DYNC2I1: variants seen among roughly 807,000 people sequenced by gnomAD.
DYNC2I1 encodes cytoplasmic dynein 2 intermediate chain 1.
Under a neutral mutation model 133.4 loss-of-function variants are expected in DYNC2I1, and 89 were observed. That is an observed-to-expected ratio of 0.67 (90% CI 0.56 to 0.80). The LOEUF (loss-of-function observed/expected upper bound fraction) is 0.80. Ranked by LOEUF, DYNC2I1 falls within the 30% of genes least tolerant of loss-of-function variation. DYNC2I1 has a pLI of 0.00. For missense variants in DYNC2I1, 1,291 were observed against 1,314.5 expected, an observed-to-expected ratio of 0.98 and a Z score of 0.28; for synonymous variants, 504 against 484.3, an observed-to-expected ratio of 1.04 and a Z score of -0.54.
chr7:158,892,545 G>T (rs1481743530), intron 8 of DYNC2I1, among the ~76,000 whole-genome samples: 1 of 152,088 alleles, frequency 6.6e-6, no homozygotes, highest in Admixed American at 6.6e-5. Context: ...GGGATCAAGC[G>T]ATTCTCCTGC....
At chr7:158,934,689 T>A (rs1232367707) in intron 23 of DYNC2I1, 140 bp downstream of exon 23, 1 of 848,816 alleles carries the variant, frequency 1.2e-6, no homozygotes, top group Non-Finnish European at 1.8e-6. Context: ...CAAATGACCC[T>A]CCCACCTCAG....
At chr7:158,910,454 C>G (rs1847306347) in intron 11 of DYNC2I1, among the ~76,000 whole-genome samples, 2 of 148,432 alleles carry the variant, frequency 1.3e-5, no homozygotes, top group South Asian at 4.3e-4. Flanking sequence ...GGGCAATTGG[C>G]TATGTCAGGC....
intron 5 of DYNC2I1, among the ~76,000 whole-genome samples, chr7:158,881,246 T>C (rs1000949043): frequency 3.9e-5 from 6 of 152,194 alleles, no homozygotes; most frequent in Non-Finnish European, 7.3e-5. Flanking sequence ...GACCCCACTG[T>C]CTTCCGCAGC....
At chr7:158,923,759 T>C in intron 17 of DYNC2I1, 26 bp downstream of exon 17, 1 of 1,588,042 alleles carries the variant, frequency 6.3e-7, no homozygotes, top group Non-Finnish European at 8.6e-7. Flanking sequence ...CTGCCAATTG[T>C]GTGTCTGCTA....
intron 4 of DYNC2I1, among the ~76,000 whole-genome samples, chr7:158,954,901 C>G (rs951050429): frequency 3.3e-5 from 5 of 151,770 alleles, no homozygotes; most frequent in Non-Finnish European, 4.4e-5. Flanking sequence ...CCCACACCCC[C>G]ACCATGCCCC....
chr7:158,848,691 G>A, the DYNC2I1 span, among the ~76,000 whole-genome samples: 6 of 152,064 alleles, frequency 3.9e-5, no homozygotes, highest in African/African-American at 7.2e-5. Flanking sequence ...TTGGGAGGCC[G>A]AGGCGGGCGG....
chr7:158,928,735 C>T (rs965733679), intron 20 of DYNC2I1, among the ~76,000 whole-genome samples: 1 of 151,526 alleles, frequency 6.6e-6, no homozygotes, highest in Non-Finnish European at 1.5e-5. Context: ...TCTCAACGTA[C>T]ACAGGTCACG....
At position 158,926,376 on chromosome 7, in the gene DYNC2I1, T is replaced by G. The variant is rs775188719; in HGVS notation, c.2372-26T>G. On this transcript the variant is annotated intron_variant, in intron 18 of 24. Transcript: ENST00000407559. ...TGGTTTCCTTATTTAAAGCCATTTCTTTCTTTTTGTTTCTGTCTTCATCAG... is the reference window on the plus strand; with the variant it reads ...TGGTTTCCTTATTTAAAGCCATTTCGTTCTTTTTGTTTCTGTCTTCATCAG... 10 of 1,606,872 alleles carry G rather than the reference T, an allele frequency of 6.2e-6. No individual in the cohort carries two copies. In the African/African-American group the frequency reaches 1.2e-4, roughly 19 times the overall value.
At chr7:158,871,593 A>G (rs1322317593) in intron 3 of DYNC2I1, 31 bp downstream of exon 3, 14 of 1,496,782 alleles carry the variant, frequency 9.4e-6, no homozygotes, top group Non-Finnish European at 1.1e-5. Context: ...CTGTGGTTCC[A>G]CCCGAGGTGC....
rs534566227 is a variant in DYNC2I1 at position 158,934,351 on chromosome 7, A to G, written c.2647-67A>G. The G allele has an allele frequency of 8.1e-5, 126 of 1,559,154 alleles. 1 individual carries two copies. In the South Asian group the frequency reaches 1.5e-3, roughly 18 times the overall value. The stretch of plus-strand genomic sequence containing the variant: ...TTATAAAGTTTAAATTGTTTGAGGA[A>G]CAGTAGCTGTATCCAATCTCGTGTG... On this transcript the variant is annotated intron_variant, in intron 22 of 24. Transcript: ENST00000407559.
intron 10 of DYNC2I1, chr7:158,903,778 G>C (rs1192517101): frequency 6.6e-6 from 1 of 152,252 alleles, no homozygotes; most frequent in Admixed American, 6.5e-5. Context: ...CTCTGGAGTT[G>C]CTGAGACGCG....
intron 4 of DYNC2I1, among the ~76,000 whole-genome samples, chr7:158,879,170 T>G (rs1005315665): frequency 6.6e-6 from 1 of 152,076 alleles, no homozygotes; most frequent in Non-Finnish European, 1.5e-5. Context: ...GACCATGACA[T>G]GAATAGGGTT....
At chr7:158,929,000 C>T (rs1849914191) in intron 20 of DYNC2I1, among the ~76,000 whole-genome samples, 1 of 152,156 alleles carries the variant, frequency 6.6e-6, no homozygotes, top group Non-Finnish European at 1.5e-5. Context: ...AAAGTATTTG[C>T]ATACAAATGT....
chr7:158,934,763 A>AT (rs1348556593), intron 23 of DYNC2I1, among the ~76,000 whole-genome samples: 1 of 151,922 alleles, frequency 6.6e-6, no homozygotes, highest in Non-Finnish European at 1.5e-5. Context: ...TAAAAAATGT[A>AT]TTTTTTTGTA....
intron 6 of DYNC2I1, among the ~76,000 whole-genome samples, chr7:158,886,170 C>T (rs754382105): frequency 6.6e-6 from 1 of 152,018 alleles, no homozygotes; most frequent in East Asian, 1.9e-4. Flanking sequence ...CTTGCTCTGT[C>T]GCCAGGCTGA....
intron 8 of DYNC2I1, among the ~76,000 whole-genome samples, chr7:158,901,418 C>T (rs1326062580): frequency 1.3e-5 from 2 of 151,642 alleles, no homozygotes; most frequent in African/African-American, 4.9e-5. Context: ...CACCATTCAG[C>T]GGGGAATATA....
At chr7:158,919,537 C>G (rs922509417) in intron 15 of DYNC2I1, among the ~76,000 whole-genome samples, 1 of 152,188 alleles carries the variant, frequency 6.6e-6, no homozygotes, top group Non-Finnish European at 1.5e-5. Context: ...TTGTGGAGAA[C>G]CAGCAGAGGT....
At chr7:158,857,696 C>T (rs565623559) in intron 1 of DYNC2I1, among the ~76,000 whole-genome samples, 1 of 151,812 alleles carries the variant, frequency 6.6e-6, no homozygotes, top group African/African-American at 2.4e-5. Flanking sequence ...CGCCACCAAG[C>T]CCAGCTGATT....
At chr7:158,920,699 T>G (rs1234093954) in intron 15 of DYNC2I1, among the ~76,000 whole-genome samples, 1 of 152,182 alleles carries the variant, frequency 6.6e-6, no homozygotes, top group African/African-American at 2.4e-5. Flanking sequence ...TGCTTAGTTT[T>G]GTGTTCTGGT....
Sources: gnomAD v4.1 joint callset for allele counts (sites outside exome capture counted in the v4.1 genomes callset) on GRCh38, gnomAD v4.1.1 for gene constraint, MANE v1.5 for transcripts, NCBI Gene and HGNC (gene_info 2026-07-23, HGNC 2026-07-21) for gene names.